The following C4orf50 variants were observed in gnomAD, a reference collection of about 807,000 sequenced individuals.
C4orf50 encodes chromosome 4 open reading frame 50, also known as uncharacterized protein C4orf50.
A neutral mutation model predicts 77.2 loss-of-function variants in C4orf50; 80 were observed. The observed-to-expected ratio is 1.04, with a 90% CI of 0.87 to 1.25. C4orf50 has a LOEUF of 1.25. Ranked by LOEUF, C4orf50 falls within the 50% of genes most tolerant of loss-of-function variation. The pLI, the probability that C4orf50 is intolerant of heterozygous loss-of-function variation, is 0.00. For synonymous variants in C4orf50, 532 were observed against 465.3 expected, an observed-to-expected ratio of 1.14 and a Z score of -1.84; for missense variants, 1,257 against 1,152.9, an observed-to-expected ratio of 1.09 and a Z score of -1.31.
At chr4:5,996,423 G>A (rs377651650) in intron 25 of C4orf50, among the ~76,000 whole-genome samples, 3 of 151,550 alleles carry the variant, frequency 2.0e-5, no homozygotes, top group East Asian at 2.0e-4. Flanking sequence ...AGAAACCCCC[G>A]CCGGCCTCAC....
At chr4:6,010,065 TTTGCCCCTCATCAC>T (rs1409076465) in intron 24 of C4orf50, among the ~76,000 whole-genome samples, 4 of 152,182 alleles carry the variant, frequency 2.6e-5, no homozygotes, top group Non-Finnish European at 5.9e-5. Flanking sequence ...ACCCTCATCT[TTTGCCCCTCATCAC>T]ACTGTGAACA....
At position 6,000,451 on chromosome 4, in the gene C4orf50, C is replaced by T. The variant is rs1398278116; in HGVS notation, c.964-5975G>A. 6.6e-6 allele frequency among the ~76,000 whole-genome samples: 1 copy of T among 152,172 alleles called. No homozygotes were observed. On this transcript the variant is annotated intron_variant, in intron 25 of 33. Transcript: ENST00000531445. The surrounding 1 kb of genome is among the most constrained non-coding windows in gnomAD (Gnocchi z 6.0). ...TCAGGAGGAATTCTTCCTTTCCAGG[C>T]AGCCCTTTTTGACCTCAAGATGCTG...
chr4:6,017,995 A>G lies in C4orf50; in HGVS notation c.287+150T>C, dbSNP rs915931076. On this transcript the variant is annotated intron_variant, in intron 23 of 33. Transcript: ENST00000531445. The surrounding 1 kb of genome is among the most constrained non-coding windows in gnomAD (Gnocchi z 4.7). ...GCAGAAGAAGGAGGGCGGGAGGAGCAGAAGGCAAGTGACTGCGTGGGCAGG... is the reference window on the plus strand; with the variant it reads ...GCAGAAGAAGGAGGGCGGGAGGAGCGGAAGGCAAGTGACTGCGTGGGCAGG... 124 of 396,146 alleles carry G rather than the reference A, an allele frequency of 3.1e-4. No individual in the cohort carries two copies. In the East Asian group the frequency reaches 4.4e-3, roughly 14 times the overall value. 24.5% of individuals were successfully genotyped at this position (396,146 alleles called of 1,614,324 possible).
downstream of C4orf50, among the ~76,000 whole-genome samples, chr4:5,954,317 C>A (rs115912610): frequency 1.3e-5 from 2 of 152,050 alleles, no homozygotes; most frequent in Admixed American, 6.5e-5. This position sits in a 1 kb window ranked among gnomAD's most constrained non-coding sequence, Gnocchi z 4.7. Flanking sequence ...CGGGGCTGGG[C>A]ATGGGGAAGC....
intron 7 of C4orf50, among the ~76,000 whole-genome samples, chr4:5,923,745 G>T (rs970921331): frequency 2.0e-5 from 3 of 152,218 alleles, no homozygotes; most frequent in Non-Finnish European, 2.9e-5. Flanking sequence ...AGTTGTCATG[G>T]TTAATACTGA....
chr4:6,004,748 G>C (rs1311485429), intron 25 of C4orf50, among the ~76,000 whole-genome samples: 4 of 150,696 alleles, frequency 2.7e-5, no homozygotes, highest in Non-Finnish European at 4.4e-5. Context: ...TGATGGTGAT[G>C]ATGGTGATGG....
chr4:5,903,988 G>C (rs1214065315), intron 7 of C4orf50: 6 of 152,178 alleles, frequency 3.9e-5, no homozygotes, highest in Admixed American at 3.9e-4. Flanking sequence ...GTGATATGGG[G>C]CCTGCCTGTT....
At position 5,916,639 on chromosome 4, in the gene C4orf50, T is replaced by C. The variant is rs984301223; in HGVS notation, c.*2475-18451A>G. 4.6e-5 allele frequency among the ~76,000 whole-genome samples: 7 copies of C among 152,100 alleles called. No homozygotes were observed. Among genetic ancestry groups the C allele is most frequent in the South Asian group, 2.1e-4 (1 of 4,822 alleles). On this transcript the variant is annotated intron_variant, in intron 7 of 7. Transcript: ENST00000324058. The surrounding 1 kb of genome is among the most constrained non-coding windows in gnomAD (Gnocchi z 4.4). The stretch of plus-strand genomic sequence containing the variant: ...CCAGACAGGGGTGCAGGTGGTTTAT[T>C]TGGGGGGAGATCCCAGAAGTAGGAG...
chr4:5,994,507 T>C, intron 25 of C4orf50, 31 bp from the exon 4 acceptor site: 1 of 399,210 alleles, frequency 2.5e-6, no homozygotes, highest in Non-Finnish European at 4.4e-6. Context: ...TCAGGAGCCG[T>C]CAGTGTCCTG....
intron 7 of C4orf50, among the ~76,000 whole-genome samples, chr4:5,907,837 G>A (rs1237209517): frequency 6.6e-6 from 1 of 152,136 alleles, no homozygotes; most frequent in Non-Finnish European, 1.5e-5. Flanking sequence ...GGTCAAGCTG[G>A]GCAGGAACAT....
At chr4:5,987,921 A>G (rs1258723742) in intron 28 of C4orf50, among the ~76,000 whole-genome samples, 1 of 152,154 alleles carries the variant, frequency 6.6e-6, no homozygotes, top group African/African-American at 2.4e-5. Context: ...TGGTTTTATC[A>G]TGCTCTACAG....
At chr4:5,990,954 C>G (rs1721250907) in intron 27 of C4orf50, 130 bp from the exon 6 acceptor site, 1 of 397,734 alleles carries the variant, frequency 2.5e-6, no homozygotes. Context: ...CTTTCCCACA[C>G]AGGACACAGC....
At chr4:5,988,774 T>G in exon 28 of C4orf50, 1 of 1,536,118 alleles carries the variant, frequency 6.5e-7, no homozygotes, top group Non-Finnish European at 8.7e-7. Flanking sequence ...GCGTAGAAGG[T>G]GCTCGTTCTC....
chr4:5,975,625 C>G (rs13139938), intron 30 of C4orf50, among the ~76,000 whole-genome samples: 36,713 of 151,702 alleles, frequency 0.24, 4,565 homozygotes, highest in Middle Eastern at 0.27. Context: ...AATCTTCCCC[C>G]CTCAGCCCTC....
intron 7 of C4orf50, among the ~76,000 whole-genome samples, chr4:5,921,566 G>A (rs896138551): frequency 2.0e-5 from 3 of 152,130 alleles, no homozygotes; most frequent in African/African-American, 4.8e-5. Context: ...GGAGGGCTTC[G>A]ATGTGGGGAA....
intron 29 of C4orf50, 37 bp downstream of exon 7, chr4:5,980,137 C>A (rs1204274880): frequency 6.5e-7 from 1 of 1,533,128 alleles, no homozygotes. Context: ...TGTGGGAGCC[C>A]TGGCTGACAA....
chr4:5,993,461 G>A lies in C4orf50; in HGVS notation c.1094-531C>T, dbSNP rs745894864. 5.3e-5 allele frequency among the ~76,000 whole-genome samples: 8 copies of A among 152,340 alleles called. No individual in the cohort carries two copies. The South Asian group carries it at 8.3e-4, about 16-fold the overall frequency. ...ATAAACCACAGATGCCCAGTTGGCC[G>A]CCGTGGCTGTCAGGCTCCCTGAGTG... On this transcript the variant is annotated intron_variant, in intron 26 of 33. Coordinates refer to ENST00000531445, the Ensembl canonical transcript of C4orf50.
chr4:5,926,640 G>T (rs1717527647), intron 7 of C4orf50, among the ~76,000 whole-genome samples: 1 of 151,732 alleles, frequency 6.6e-6, no homozygotes, highest in African/African-American at 2.4e-5. Context: ...TTTTTAAAGG[G>T]CAGATGACCC....
chr4:5,976,281 TAAAAAAAAAAATAC>T (rs1720277484), intron 29 of C4orf50, among the ~76,000 whole-genome samples: 1 of 139,670 alleles, frequency 7.2e-6, no homozygotes, highest in South Asian at 2.2e-4. Context: ...CCATCTCTAC[TAAAAAAAAAAATAC>T]AAAAAAAAAA....
Sources: allele counts gnomAD v4.1 joint callset (sites outside exome capture counted in the v4.1 genomes callset), GRCh38; gene constraint gnomAD v4.1.1; non-coding constraint Gnocchi (gnomAD v3.1); transcripts MANE v1.5; gene names NCBI Gene and HGNC (gene_info 2026-07-23, HGNC 2026-07-21).